ARB2A: variants seen among roughly 807,000 people sequenced by gnomAD.
The protein encoded by ARB2A is ARB2 cotranscriptional regulator A, also known as cotranscriptional regulator ARB2A.
chr5:93,705,835 T>C, the ARB2A span, among the ~76,000 whole-genome samples: 1 of 152,092 alleles, frequency 6.6e-6, no homozygotes, highest in Non-Finnish European at 1.5e-5. Flanking sequence ...AAAAGAGAAA[T>C]TTCAACTCAA....
At chr5:93,876,725 G>T in the ARB2A span, among the ~76,000 whole-genome samples, 9 of 152,018 alleles carry the variant, frequency 5.9e-5, no homozygotes, top group South Asian at 1.9e-3. Context: ...AACAATCATT[G>T]TTTGTAATAC....
chr5:94,078,902 GA>G, the ARB2A span, among the ~76,000 whole-genome samples: 1 of 151,880 alleles, frequency 6.6e-6, no homozygotes, highest in African/African-American at 2.4e-5. Context: ...AAGATTACAT[GA>G]AAAAATGTAT....
At chr5:94,077,484 T>C in the ARB2A span, among the ~76,000 whole-genome samples, 1 of 152,086 alleles carries the variant, frequency 6.6e-6, no homozygotes, top group Non-Finnish European at 1.5e-5. Flanking sequence ...CTTAACATAG[T>C]GTTAGATTTT....
At chr5:93,727,844 T>C in the ARB2A span, among the ~76,000 whole-genome samples, 1 of 152,084 alleles carries the variant, frequency 6.6e-6, no homozygotes, top group Non-Finnish European at 1.5e-5. Context: ...CACTTGTATT[T>C]AAAAACAAAG....
the ARB2A span, among the ~76,000 whole-genome samples, chr5:93,882,480 C>A: frequency 7.1e-6 from 1 of 141,674 alleles, no homozygotes; most frequent in Admixed American, 7.1e-5. Context: ...GCTATTAAGG[C>A]TTTTTTTTTT....
the ARB2A span, among the ~76,000 whole-genome samples, chr5:93,710,735 A>T: frequency 6.6e-6 from 1 of 152,356 alleles, no homozygotes; most frequent in South Asian, 2.1e-4. Flanking sequence ...TCATATGTTA[A>T]ATAAAAACAA....
the ARB2A span, among the ~76,000 whole-genome samples, chr5:93,803,726 A>AG: frequency 6.6e-6 from 1 of 151,596 alleles, no homozygotes; most frequent in African/African-American, 2.4e-5. Flanking sequence ...AAAAAAAAAA[A>AG]AAAGAGAAAA....
chr5:93,665,249 C>T, the ARB2A span, among the ~76,000 whole-genome samples: 3 of 152,166 alleles, frequency 2.0e-5, no homozygotes, highest in African/African-American at 7.2e-5. Context: ...CAATTTACTT[C>T]TTTTAATAGT....
chr5:93,753,642 CCTTT>C, the ARB2A span, among the ~76,000 whole-genome samples: 1 of 152,232 alleles, frequency 6.6e-6, no homozygotes, highest in Non-Finnish European at 1.5e-5. Context: ...TTTTCCTTTT[CCTTT>C]CTTCTTTTTA....
At chr5:93,855,818 T>C in the ARB2A span, among the ~76,000 whole-genome samples, 1 of 151,952 alleles carries the variant, frequency 6.6e-6, no homozygotes, top group South Asian at 2.1e-4. Flanking sequence ...CATCTGTACA[T>C]CACCATCATC....
the ARB2A span, among the ~76,000 whole-genome samples, chr5:93,706,794 A>G: frequency 1.3e-5 from 2 of 150,622 alleles, no homozygotes; most frequent in Non-Finnish European, 2.9e-5. Flanking sequence ...TGAACCCAGG[A>G]GGTGGATGTT....
chr5:93,817,680 G>C, the ARB2A span, among the ~76,000 whole-genome samples: 2 of 152,126 alleles, frequency 1.3e-5, no homozygotes, highest in East Asian at 3.9e-4. Context: ...ATAGTCTATG[G>C]ATTTTGACAA....
the ARB2A span, among the ~76,000 whole-genome samples, chr5:93,881,939 TA>T: frequency 6.6e-6 from 1 of 151,292 alleles, no homozygotes; most frequent in African/African-American, 2.4e-5. Context: ...ATAAAGATTA[TA>T]AAGCTTAAAT....
the ARB2A span, among the ~76,000 whole-genome samples, chr5:94,079,544 T>C: frequency 2.6e-5 from 4 of 152,304 alleles, no homozygotes; most frequent in Admixed American, 2.0e-4. Flanking sequence ...TTCTACCATG[T>C]TGATACAGCC....
the ARB2A span, among the ~76,000 whole-genome samples, chr5:93,647,471 T>C: frequency 6.6e-6 from 1 of 151,462 alleles, no homozygotes; most frequent in East Asian, 2.0e-4. Flanking sequence ...TGGGATCCGC[T>C]GGCCTCGGCC....
the ARB2A span, among the ~76,000 whole-genome samples, chr5:93,995,026 G>C: frequency 1.3e-5 from 2 of 151,958 alleles, no homozygotes; most frequent in African/African-American, 4.8e-5. Context: ...ATCTATTATA[G>C]AAAGTTAAAA....
At chr5:94,110,874 T>C in the ARB2A span, among the ~76,000 whole-genome samples, 2 of 152,080 alleles carry the variant, frequency 1.3e-5, no homozygotes, top group African/African-American at 2.4e-5. Flanking sequence ...ATACAGTATA[T>C]CCAAACACAA....
At chr5:93,988,837 A>G in the ARB2A span, among the ~76,000 whole-genome samples, 3 of 152,192 alleles carry the variant, frequency 2.0e-5, no homozygotes, top group Non-Finnish European at 2.9e-5. Flanking sequence ...TTGGCAGTCA[A>G]AGGGTTATAT....
At chr5:93,632,947 G>A in the ARB2A span, among the ~76,000 whole-genome samples, 7 of 152,176 alleles carry the variant, frequency 4.6e-5, no homozygotes, top group Admixed American at 1.3e-4. Flanking sequence ...TAGGACCGTT[G>A]TGTGTGGTGG....
Sources: allele counts gnomAD v4.1 joint callset (sites outside exome capture counted in the v4.1 genomes callset), GRCh38; gene constraint gnomAD v4.1.1; transcripts MANE v1.5; gene names NCBI Gene and HGNC (gene_info 2026-07-23, HGNC 2026-07-21).